The following SPECC1 variants were observed in gnomAD, a reference collection of about 807,000 sequenced individuals.
The protein encoded by SPECC1 is cytospin-B.
In SPECC1, 62 loss-of-function variants were observed where a neutral mutation model predicts 104.1. The ratio of observed to expected loss-of-function variants is 0.60; its 90% confidence interval spans 0.49 to 0.74. The LOEUF (loss-of-function observed/expected upper bound fraction) is 0.74. Among genes scored for constraint, SPECC1 ranks in the 30% least tolerant of loss-of-function variants. The pLI is 0.00. For synonymous variants in SPECC1, 513 were observed against 501.6 expected, an observed-to-expected ratio of 1.02 and a Z score of -0.30; for missense variants, 1,306 against 1,310.5, an observed-to-expected ratio of 1.00 and a Z score of 0.05.
intron 11 of SPECC1, among the ~76,000 whole-genome samples, chr17:20,259,527 A>G (rs1347293512): frequency 1.3e-5 from 2 of 151,900 alleles, no homozygotes; most frequent in Admixed American, 6.6e-5. Flanking sequence ...TTTTTTGGAG[A>G]TGGGGTCTTG....
rs538188184 is a variant in SPECC1 at position 20,110,550 on chromosome 17, A to G, written c.271A>G (p.Arg91Gly). The G allele has an allele frequency of 1.2e-6, 2 of 1,613,196 alleles. No homozygotes were observed. The highest frequency in any genetic ancestry group is 2.2e-5 in the South Asian group (2 of 91,000). The change falls in exon 3 of 15, where the codon AGG (arginine) becomes GGG (glycine). Residue 91 changes from arginine to glycine, a missense_variant. Transcript: ENST00000395527. ...AISELTESRL[R>G]SGTGAFTTTK... Reference sequence around the variant, plus strand: ...CTCGGAGCTCACGGAGAGCCGCCTGAGGAGCGGCACAGGTAGGAGGGACCG... The same window carrying G: ...CTCGGAGCTCACGGAGAGCCGCCTGGGGAGCGGCACAGGTAGGAGGGACCG...
At chr17:20,083,002 G>GTTCATTCGTTCA (rs1555603396) in intron 1 of SPECC1, among the ~76,000 whole-genome samples, 42 of 146,008 alleles carry the variant, frequency 2.9e-4, no homozygotes, top group African/African-American at 1.0e-3. Flanking sequence ...TCGTTCGTTC[G>GTTCATTCGTTCA]TTCATTCATC....
At chr17:20,101,668 TC>T (rs2047951302) in intron 2 of SPECC1, among the ~76,000 whole-genome samples, 1 of 152,080 alleles carries the variant, frequency 6.6e-6, no homozygotes, top group Non-Finnish European at 1.5e-5. Context: ...TTAATTGGGG[TC>T]CTCTTGGTTG....
chr17:20,161,792 T>G lies in SPECC1; in HGVS notation c.284-42541T>G, dbSNP rs542844922. ...ATACTCAGTTCTGTCACTTCTTTTT[T>G]TCTTTCTTTTTTTTTTTTTTGAGAC... is the stretch of plus-strand genomic sequence containing the variant. On this transcript the variant is annotated intron_variant, in intron 3 of 14. Transcript: ENST00000395527. 1.9e-4 allele frequency among the ~76,000 whole-genome samples: 27 copies of G among 138,818 alleles called. No individual in the cohort carries two copies. In the South Asian group the frequency reaches 5.5e-3, roughly 28 times the overall value. The allele number at this position is 138,818 out of a possible 152,430, so 91.1% of individuals were successfully genotyped here. A position where few individuals can be genotyped will look rare whatever the true frequency, so the allele number is the denominator to read the frequency against.
chr17:20,131,688 CA>C (rs1285840998), intron 3 of SPECC1, among the ~76,000 whole-genome samples: 2 of 129,216 alleles, frequency 1.5e-5, no homozygotes, highest in Non-Finnish European at 3.2e-5. Context: ...CTCACTCTGT[CA>C]CCCAGGCTGG....
intron 3 of SPECC1, among the ~76,000 whole-genome samples, chr17:20,175,349 C>T (rs908627023): frequency 1.3e-5 from 2 of 152,212 alleles, no homozygotes; most frequent in African/African-American, 4.8e-5. Flanking sequence ...GAAATTGGCA[C>T]TCCCTTTAAA....
At chr17:20,066,422 G>A (rs4925075) in intron 1 of SPECC1, among the ~76,000 whole-genome samples, 43,950 of 152,126 alleles carry the variant, frequency 0.29, 6,863 homozygotes, top group Middle Eastern at 0.43. Context: ...GCCCACTTAG[G>A]AACTTAGCCT....
chr17:20,150,030 A>T (rs1396292776), intron 3 of SPECC1, among the ~76,000 whole-genome samples: 2 of 151,694 alleles, frequency 1.3e-5, no homozygotes, highest in Non-Finnish European at 2.9e-5. Flanking sequence ...TGGAGTGCAG[A>T]GGTGCGATCT....
chr17:20,257,302 A>G (rs996930092), intron 10 of SPECC1, 149 bp from the exon 11 acceptor site: 8 of 868,936 alleles, frequency 9.2e-6, no homozygotes, highest in Non-Finnish European at 1.4e-5. Flanking sequence ...TAGAATCCAC[A>G]TCCCTATTGC....
chr17:20,293,027 A>G (rs28563081), intron 12 of SPECC1, among the ~76,000 whole-genome samples: 1 of 152,298 alleles, frequency 6.6e-6, no homozygotes, highest in South Asian at 2.1e-4. Flanking sequence ...TGCTGGGAAG[A>G]TAGGGACAGA....
At chr17:20,238,214 A>G (rs1266139432) in intron 7 of SPECC1, 3 of 1,039,772 alleles carry the variant, frequency 2.9e-6, no homozygotes, top group Non-Finnish European at 2.3e-6. Flanking sequence ...GCACGGTGAC[A>G]ATGGCAATAG....
At chr17:20,249,078 A>G (rs2039527413) in intron 9 of SPECC1, among the ~76,000 whole-genome samples, 1 of 152,192 alleles carries the variant, frequency 6.6e-6, no homozygotes, top group South Asian at 2.1e-4. Context: ...AGATCCTTAA[A>G]TTATAGCCAC....
At chr17:20,057,499 T>G (rs1393481252) in intron 1 of SPECC1, among the ~76,000 whole-genome samples, 1 of 152,052 alleles carries the variant, frequency 6.6e-6, no homozygotes. Flanking sequence ...GTTTTTTGTT[T>G]GTTTTTGTTT....
chr17:20,292,293 G>T (rs2041194801), intron 12 of SPECC1, among the ~76,000 whole-genome samples: 1 of 151,936 alleles, frequency 6.6e-6, no homozygotes, highest in South Asian at 2.1e-4. Flanking sequence ...CAGCGAACTG[G>T]ATGGGGCACC....
At chr17:20,114,992 A>G (rs1420821739) in intron 3 of SPECC1, among the ~76,000 whole-genome samples, 1 of 152,228 alleles carries the variant, frequency 6.6e-6, no homozygotes, top group Non-Finnish European at 1.5e-5. Context: ...GGAATTATAG[A>G]ATGTGTTATT....
chr17:20,101,562 G>A (rs12451841), intron 2 of SPECC1, among the ~76,000 whole-genome samples: 55,261 of 152,032 alleles, frequency 0.36, 10,607 homozygotes, highest in Middle Eastern at 0.51. Flanking sequence ...GGACACTCAG[G>A]GAGGGTGCAT....
At chr17:20,139,089 A>G (rs1033167750) in intron 3 of SPECC1, among the ~76,000 whole-genome samples, 2 of 152,238 alleles carry the variant, frequency 1.3e-5, no homozygotes, top group Non-Finnish European at 2.9e-5. Flanking sequence ...TGGAGGAGCT[A>G]TGGAGTGACA....
intron 12 of SPECC1, among the ~76,000 whole-genome samples, chr17:20,267,350 G>C (rs2040250644): frequency 6.6e-6 from 1 of 152,166 alleles, no homozygotes; most frequent in African/African-American, 2.4e-5. Context: ...TAAGCTCCTA[G>C]TTTTCTGTTA....
At chr17:20,156,303 C>T (rs1020119294) in intron 3 of SPECC1, 6 of 1,304,604 alleles carry the variant, frequency 4.6e-6, no homozygotes, top group Non-Finnish European at 5.9e-6. Flanking sequence ...GCCCTTCCCC[C>T]ACCGCCTCCG....
Sources: allele counts gnomAD v4.1 joint callset (sites outside exome capture counted in the v4.1 genomes callset), GRCh38; gene constraint gnomAD v4.1.1; transcripts MANE v1.5; gene names NCBI Gene and HGNC (gene_info 2026-07-23, HGNC 2026-07-21).